The following DGCR2 variants were observed in gnomAD, a reference collection of about 807,000 sequenced individuals.
DGCR2 encodes DiGeorge syndrome critical region gene 2, also known as integral membrane protein DGCR2/IDD.
In DGCR2, 24 loss-of-function variants were observed where a neutral mutation model predicts 51.6. The observed-to-expected ratio is 0.47, with a 90% CI of 0.34 to 0.65. The LOEUF is 0.65. Ranked by LOEUF, DGCR2 falls within the 30% of genes least tolerant of loss-of-function variation. The probability of loss-of-function intolerance (pLI) is 0.01; values close to 1 mark genes in which losing one functional copy is unlikely to be tolerated. For synonymous variants in DGCR2, 340 were observed against 315.4 expected (o/e 1.08, Z -0.82); for missense variants, 765 against 772.1 (o/e 0.99, Z 0.11).
intron 2 of DGCR2, among the ~76,000 whole-genome samples, chr22:19,074,922 G>C (rs1476296347): frequency 6.6e-6 from 1 of 152,106 alleles, no homozygotes. Flanking sequence ...TTACCAACGT[G>C]CTGCAGCTGC....
At position 19,089,446 on chromosome 22, in the gene DGCR2, T is replaced by G; in HGVS notation, c.124A>C (p.Ile42Leu). The change falls in exon 2 of 10, where the codon ATC becomes CTC. Residue 42 changes from isoleucine to leucine, a missense_variant. Coordinates refer to ENST00000263196, the MANE Select transcript of DGCR2 (RefSeq NM_005137.3). Reference protein sequence around the residue: ...PGQFACRSGTIQCIPLPWQCD... With the variant: ...PGQFACRSGTLQCIPLPWQCD... The stretch of plus-strand genomic sequence containing the variant: ...TGCCAGGGGAGGGGGATGCACTGGA[T>G]GGTGCCGCTGCGACACGCAAACTGC... The G allele has an allele frequency of 1.2e-6, 2 of 1,606,648 alleles. No homozygotes were observed. The highest frequency in any genetic ancestry group is 1.7e-6 in the Non-Finnish European group (2 of 1,176,154).
Position 19,038,795 on chromosome 22 carries a change from T to C in DGCR2, c.*70A>G. 6.4e-7 allele frequency: 1 copy of C among 1,560,420 alleles called. No homozygotes were observed. Among genetic ancestry groups the C allele is most frequent in the Non-Finnish European group, 8.7e-7 (1 of 1,149,478 alleles). Reference sequence around the variant, plus strand: ...CAGGCTGGGACAGGGGCCTTTCAAGTCTCCCCAGGGACCGGTGTTTTCTAC... The same window carrying C: ...CAGGCTGGGACAGGGGCCTTTCAAGCCTCCCCAGGGACCGGTGTTTTCTAC... On this transcript the variant is annotated 3_prime_UTR_variant, in exon 10 of 10. Coordinates refer to ENST00000263196, the MANE Select transcript of DGCR2 (RefSeq NM_005137.3).
intron 2 of DGCR2, among the ~76,000 whole-genome samples, chr22:19,086,726 A>G (rs1000538599): frequency 4.6e-5 from 7 of 152,116 alleles, no homozygotes; most frequent in Admixed American, 2.6e-4. Context: ...TTCGGCTTCT[A>G]TGAGAGATTT....
Position 19,057,133 on chromosome 22 carries a change from G to C in DGCR2, c.655C>G (p.Pro219Ala). The C allele has an allele frequency of 6.2e-7, 1 of 1,608,156 alleles. No homozygotes were observed. The highest frequency in any genetic ancestry group is 8.5e-7 in the Non-Finnish European group (1 of 1,177,450). Reference sequence around the variant, plus strand: ...TCAGACATGGCCGAGGCAAAGATGGGGTCTGGGGGCAGGAACACCTCTGAA... The same window carrying C: ...TCAGACATGGCCGAGGCAAAGATGGCGTCTGGGGGCAGGAACACCTCTGAA... The part of the protein sequence containing the change: ...GSSEVFLPPD[P>A]IFASAMSEND... Residue 219 changes from proline (P) to alanine (A), a missense_variant, in exon 6 of 10, where the codon CCC (proline) becomes GCC (alanine). By Grantham distance (27) the Pro-to-Ala change is conservative. Transcript: ENST00000263196. This position sits in a 1 kb window ranked among gnomAD's most constrained non-coding sequence, Gnocchi z 5.1.
At chr22:19,118,469 A>G (rs1044059856) in intron 1 of DGCR2, among the ~76,000 whole-genome samples, 1 of 151,934 alleles carries the variant, frequency 6.6e-6, no homozygotes. Context: ...AGCTCAGCAC[A>G]GCTGCCTACT....
Position 19,105,016 on chromosome 22 carries a change from C to T in DGCR2, c.80-15526G>A, listed in dbSNP as rs116658684. 8.2e-3 allele frequency among the ~76,000 whole-genome samples: 1,244 copies of T among 152,262 alleles called. 20 individuals are homozygous for T. The highest frequency in any genetic ancestry group is 0.028 in the African/African-American group (1,147 of 41,538). On this transcript the variant is annotated intron_variant, in intron 1 of 9. Transcript: ENST00000263196. The stretch of plus-strand genomic sequence containing the variant: ...TGCCCTGGGCCAGCCATCTCTTCTC[C>T]AGATGCCCTCAAGAAGGGACAGAGG...
rs565884659 is a variant in DGCR2 at position 19,070,351 on chromosome 22, T to A, written c.203-2126A>T. 1.2e-4 allele frequency among the ~76,000 whole-genome samples: 18 copies of A among 152,306 alleles called. No homozygotes were observed. The East Asian group carries it at 3.3e-3, about 28-fold the overall frequency. ...AGGGCAAAGGCAGACATATCCGGGA[T>A]AAACCTGAGGCCAGGCCTGAGTGTG... On this transcript the variant is annotated intron_variant, in intron 2 of 9. Transcript: ENST00000263196.
rs1440437845 is a variant in DGCR2, at chr22:19,037,862, T to C, written c.*1003A>G. ...GCGGCCGCTGGGCACTGAGCTGCAGTAGTGGCGGTGATGTAAGGAGTGGAC... is the reference window on the plus strand; with the variant it reads ...GCGGCCGCTGGGCACTGAGCTGCAGCAGTGGCGGTGATGTAAGGAGTGGAC... On this transcript the variant is annotated 3_prime_UTR_variant, in exon 10 of 10. Coordinates refer to ENST00000263196, the MANE Select transcript of DGCR2 (RefSeq NM_005137.3). The C allele has an allele frequency of 6.6e-6, 1 of 152,344 alleles. No homozygotes were observed. Among genetic ancestry groups the C allele is most frequent in the Non-Finnish European group, 1.5e-5 (1 of 68,064 alleles). 9.4% of individuals were successfully genotyped at this position (152,344 alleles called of 1,614,324 possible).
chr22:19,117,313 C>T (rs1351692551), intron 1 of DGCR2, among the ~76,000 whole-genome samples: 1 of 152,250 alleles, frequency 6.6e-6, no homozygotes, highest in Middle Eastern at 3.2e-3. Context: ...TCCACAACAG[C>T]AGTCTTCATT....
At chr22:19,119,971 G>C (rs2083414357) in intron 1 of DGCR2, among the ~76,000 whole-genome samples, 1 of 152,082 alleles carries the variant, frequency 6.6e-6, no homozygotes, top group Non-Finnish European at 1.5e-5. Context: ...AATCCCCACA[G>C]AAAGAACGCA....
chr22:19,081,091 G>C (rs1357832302), intron 2 of DGCR2, among the ~76,000 whole-genome samples: 3 of 152,120 alleles, frequency 2.0e-5, no homozygotes. Flanking sequence ...TGCTACACCA[G>C]GTCAGTTTAA....
rs1481678818 is a variant in DGCR2, at chr22:19,068,184, C to G, written c.244G>C (p.Val82Leu). 2 of 1,611,250 alleles carry G rather than the reference C, an allele frequency of 1.2e-6. No individual in the cohort carries two copies. Among genetic ancestry groups the G allele is most frequent in the Non-Finnish European group, 1.7e-6 (2 of 1,178,948 alleles). ...EVRPHHGKEAVDPRQGRARGG... is the reference protein window; with the variant it reads ...EVRPHHGKEALDPRQGRARGG... ...CTGGCCCGCCCCTGCCGCGGATCCA[C>G]AGCCTCCTTCCCATGATGAGGACGC... Residue 82 changes from valine to leucine, a missense_variant, in exon 3 of 10, where the codon GTG (valine) becomes CTG (leucine). Val to Leu is a conservative substitution (Grantham distance 32, BLOSUM62 1). Transcript: ENST00000263196.
At chr22:19,060,602 C>T (rs976550706) in intron 5 of DGCR2, 1 of 208,544 alleles carries the variant, frequency 4.8e-6, no homozygotes, top group Non-Finnish European at 1.0e-5. Context: ...GACGGGAAGG[C>T]CCTGGGAGCA....
intron 1 of DGCR2, among the ~76,000 whole-genome samples, chr22:19,118,898 T>C (rs2083401632): frequency 1.3e-5 from 2 of 152,184 alleles, no homozygotes; most frequent in African/African-American, 4.8e-5. Flanking sequence ...CAATCAGTGG[T>C]CCCCAAATCC....
intron 2 of DGCR2, among the ~76,000 whole-genome samples, chr22:19,088,052 C>T (rs927889796): frequency 6.6e-6 from 1 of 152,154 alleles, no homozygotes; most frequent in Non-Finnish European, 1.5e-5. Context: ...TGGAACCCCC[C>T]CTCAAAGAAC....
intron 2 of DGCR2, among the ~76,000 whole-genome samples, chr22:19,086,637 C>T (rs2146007666): frequency 1.3e-5 from 2 of 152,274 alleles, no homozygotes; most frequent in East Asian, 1.9e-4. Flanking sequence ...CCCTACCAAG[C>T]CTCAGGGGGC....
intron 2 of DGCR2, among the ~76,000 whole-genome samples, chr22:19,086,278 C>T (rs560371336): frequency 4.6e-5 from 7 of 152,062 alleles, no homozygotes; most frequent in African/African-American, 7.2e-5. Flanking sequence ...GAGATCGAGA[C>T]GATCCTGACT....
chr22:19,119,249 G>C (rs973058067), intron 1 of DGCR2, among the ~76,000 whole-genome samples: 5 of 152,140 alleles, frequency 3.3e-5, no homozygotes, highest in African/African-American at 7.2e-5. Flanking sequence ...GTGCATGATG[G>C]GGGGAAGGCC....
intron 5 of DGCR2, among the ~76,000 whole-genome samples, chr22:19,062,774 T>TTTTTTTTCTCTC (rs1569052709): frequency 8.8e-6 from 1 of 113,872 alleles, no homozygotes; most frequent in Non-Finnish European, 1.9e-5. Flanking sequence ...CACACATGCA[T>TTTTTTTTCTCTC]GCTCACTCTC....
Sources: gnomAD v4.1 joint callset for allele counts (sites outside exome capture counted in the v4.1 genomes callset) on GRCh38, gnomAD v4.1.1 for gene constraint, Gnocchi (gnomAD v3.1) non-coding constraint, MANE v1.5 for transcripts, NCBI Gene and HGNC (gene_info 2026-07-23, HGNC 2026-07-21) for gene names.